Variants in FBXL20 observed in about 807,000 individuals in gnomAD.
The protein encoded by FBXL20 is F-box/LRR-repeat protein 20.
A neutral mutation model predicts 64.0 loss-of-function variants in FBXL20; 11 were observed. The observed-to-expected ratio is 0.17, with a 90% CI of 0.11 to 0.28. FBXL20 has a LOEUF of 0.28. Ranked by LOEUF, FBXL20 falls within the 10% of genes least tolerant of loss-of-function variation. The pLI, the probability that FBXL20 is intolerant of heterozygous loss-of-function variation, is 1.00. For missense variants in FBXL20, 303 were observed against 526.2 expected (o/e 0.58, Z 4.15); for synonymous variants, 184 against 189.0 (o/e 0.97, Z 0.22).
chr17:39,274,749 G>T (rs762133829), intron 10 of FBXL20, among the ~76,000 whole-genome samples: 3 of 152,130 alleles, frequency 2.0e-5, no homozygotes, highest in Non-Finnish European at 4.4e-5. Context: ...AGTATGGATA[G>T]CAAGTAGTGG....
At chr17:39,288,920 T>C (rs1001149949) in intron 6 of FBXL20, among the ~76,000 whole-genome samples, 2 of 152,042 alleles carry the variant, frequency 1.3e-5, no homozygotes, top group Non-Finnish European at 2.9e-5. Flanking sequence ...AGTCAGGATG[T>C]TTTCAAACTC....
chr17:39,280,682 C>T (rs893610557), intron 9 of FBXL20, among the ~76,000 whole-genome samples: 20 of 152,048 alleles, frequency 1.3e-4, no homozygotes, highest in African/African-American at 4.8e-4. Flanking sequence ...GGGGTAGACA[C>T]AAAAAAGCTG....
intron 2 of FBXL20, among the ~76,000 whole-genome samples, chr17:39,331,811 TAACTA>T (rs1315748008): frequency 6.6e-6 from 1 of 152,252 alleles, no homozygotes; most frequent in African/African-American, 2.4e-5. Context: ...GTCTCTTCAT[TAACTA>T]AACAGCCCTG....
Position 39,401,526 on chromosome 17 carries a change from TG to T in FBXL20, c.-125del. On this transcript the variant is annotated 5_prime_UTR_variant, in exon 1 of 15. Coordinates refer to ENST00000264658, the MANE Select transcript of FBXL20 (RefSeq NM_032875.3). Reference sequence around the variant, plus strand: ...CGCCGGAGGGGTGACGCCGGGACCGTGGGACGGGAACAAGAGACCTCTCGGC... The same window carrying T: ...CGCCGGAGGGGTGACGCCGGGACCGTGGACGGGAACAAGAGACCTCTCGGC... 1 of 1,459,750 alleles carries T rather than the reference TG, an allele frequency of 6.9e-7. No individual in the cohort carries two copies. The highest frequency in any genetic ancestry group is 9.0e-7 in the Non-Finnish European group (1 of 1,116,830). 90.4% of individuals were successfully genotyped at this position (1,459,750 alleles called of 1,614,324 possible).
intron 14 of FBXL20, chr17:39,263,960 T>G (rs541729970): frequency 1.9e-6 from 1 of 539,652 alleles, no homozygotes; most frequent in Non-Finnish European, 3.3e-6. Flanking sequence ...GACCTACTTT[T>G]CTTCCCTTCA....
In FBXL20 at chr17:39,302,433, G is replaced by A. The variant is rs567602950; in HGVS notation, c.159+1152C>T. On this transcript the variant is annotated intron_variant, in intron 3 of 14. Coordinates refer to ENST00000264658, the MANE Select transcript of FBXL20 (RefSeq NM_032875.3). ...CTGTCGCCCAGGCTGGAGTGCAGTGGTGCAATCTTGGCTCACTGCAAGCTC... is the reference window on the plus strand; with the variant it reads ...CTGTCGCCCAGGCTGGAGTGCAGTGATGCAATCTTGGCTCACTGCAAGCTC... Among the ~76,000 whole-genome samples the A allele has an allele frequency of 4.0e-5, 6 of 151,032 alleles. No homozygotes were observed. In the South Asian group the frequency reaches 1.3e-3, roughly 32 times the overall value.
chr17:39,397,918 CCTTA>C lies in FBXL20; in HGVS notation c.42+3439_42+3442del, dbSNP rs1449866266. On this transcript the variant is annotated intron_variant, in intron 1 of 14. Transcript: ENST00000264658. ...ACTTACTAGGTGTGCAATTTGAACA[CCTTA>C]CTTAACCTCTCAGGCCTTCACTTTC... Among the ~76,000 whole-genome samples, 5 of 151,244 alleles carry C rather than the reference CCTTA, an allele frequency of 3.3e-5. 1 individual carries two copies. The South Asian group carries it at 8.3e-4, about 25-fold the overall frequency.
chr17:39,339,210 G>C (rs1268267578), intron 2 of FBXL20, among the ~76,000 whole-genome samples: 2 of 148,786 alleles, frequency 1.3e-5, no homozygotes, highest in African/African-American at 5.0e-5. Context: ...AACACAGTGA[G>C]ACCCCATCTG....
In FBXL20 at chr17:39,256,656, C is replaced by T. The variant is rs1395535119; in HGVS notation, c.*4804G>A. ...GATAAAAGCCTACCCTTAAATCATA[C>T]ACATAAGGAGGAATAAGGCAAAATA... On this transcript the variant is annotated 3_prime_UTR_variant, in exon 15 of 15. Coordinates refer to ENST00000264658, the MANE Select transcript of FBXL20 (RefSeq NM_032875.3). The T allele has an allele frequency of 2.0e-5, 3 of 152,204 alleles. No individual in the cohort carries two copies. Among genetic ancestry groups the T allele is most frequent in the East Asian group, 1.9e-4 (1 of 5,198 alleles). 9.4% of individuals were successfully genotyped at this position (152,204 alleles called of 1,614,324 possible). A position where few individuals can be genotyped will look rare whatever the true frequency, so the allele number is the denominator to read the frequency against.
At chr17:39,313,582 G>A (rs184508896) in intron 2 of FBXL20, among the ~76,000 whole-genome samples, 10 of 152,148 alleles carry the variant, frequency 6.6e-5, no homozygotes, top group Non-Finnish European at 5.9e-5. Flanking sequence ...GGGGTAGGCT[G>A]CCAGGGTTTT....
intron 2 of FBXL20, among the ~76,000 whole-genome samples, chr17:39,330,260 G>A (rs2047447370): frequency 2.0e-5 from 3 of 150,194 alleles, no homozygotes; most frequent in African/African-American, 7.4e-5. Context: ...TTGTGCCATT[G>A]CGCTCCAGCC....
intron 9 of FBXL20, among the ~76,000 whole-genome samples, chr17:39,278,521 T>C (rs1288611056): frequency 6.6e-6 from 1 of 151,198 alleles, no homozygotes; most frequent in African/African-American, 2.4e-5. Context: ...TAACTGTGGT[T>C]GATCTCTCAG....
intron 1 of FBXL20, among the ~76,000 whole-genome samples, chr17:39,395,418 C>T (rs568630562): frequency 5.9e-5 from 9 of 151,998 alleles, no homozygotes; most frequent in African/African-American, 2.2e-4. Context: ...AGTGAGACTC[C>T]GTCTCAAAAA....
intron 2 of FBXL20, among the ~76,000 whole-genome samples, chr17:39,313,906 A>ATT (rs1374014120): frequency 6.6e-6 from 1 of 152,202 alleles, no homozygotes; most frequent in Non-Finnish European, 1.5e-5. Context: ...AAGTGCTGGG[A>ATT]TTACAGGCAT....
intron 9 of FBXL20, among the ~76,000 whole-genome samples, chr17:39,280,518 G>A (rs2046940367): frequency 1.3e-5 from 2 of 151,796 alleles, no homozygotes; most frequent in Non-Finnish European, 2.9e-5. Context: ...AGTGAGTGCA[G>A]ATCTCACCAC....
At position 39,264,248 on chromosome 17, in the gene FBXL20, C is replaced by T; in HGVS notation, c.1130G>A (p.Ser377Asn). ...ITDASLEHLK[S>N]CHSLERIELY... is the part of the protein sequence containing the mutation. ...TTCTATCCGCTCAAGGCTATGACAG[C>T]TCTTCAAGTGCTCCAGGGATGCATC... is the stretch of plus-strand genomic sequence containing the variant. The change falls in exon 14 of 15, where the codon AGC becomes AAC. Residue 377 changes from serine to asparagine, a missense_variant. Ser to Asn is a conservative substitution (Grantham distance 46, BLOSUM62 1). This residue lies in a region of FBXL20 where 56 missense variants were observed against 86.0 expected (regional missense o/e 0.65). Transcript: ENST00000264658. 6.2e-7 allele frequency: 1 copy of T among 1,614,252 alleles called. No individual in the cohort carries two copies. Among genetic ancestry groups the T allele is most frequent in the Non-Finnish European group, 8.5e-7 (1 of 1,180,050 alleles).
chr17:39,358,555 C>T (rs183896999), intron 1 of FBXL20, among the ~76,000 whole-genome samples: 17 of 152,070 alleles, frequency 1.1e-4, no homozygotes, highest in African/African-American at 2.7e-4. Context: ...TGGTGGCGTA[C>T]GCCTGTAATC....
At chr17:39,400,945 T>A (rs1324593756) in intron 1 of FBXL20, among the ~76,000 whole-genome samples, 2 of 152,134 alleles carry the variant, frequency 1.3e-5, no homozygotes, top group African/African-American at 4.8e-5. Flanking sequence ...ATGGTACCCA[T>A]CCCCTAATTT....
intron 1 of FBXL20, among the ~76,000 whole-genome samples, chr17:39,358,302 A>C (rs1435216787): frequency 2.0e-5 from 3 of 152,190 alleles, no homozygotes; most frequent in Non-Finnish European, 4.4e-5. Context: ...TACTGATTTA[A>C]ATACTAACCT....
Sources: gnomAD v4.1 joint callset for allele counts (sites outside exome capture counted in the v4.1 genomes callset) on GRCh38, gnomAD v4.1.1 for gene constraint, gnomAD v4.1.1 regional missense constraint, MANE v1.5 for transcripts, NCBI Gene and HGNC (gene_info 2026-07-23, HGNC 2026-07-21) for gene names.